HYDIN: variants seen among roughly 807,000 people sequenced by gnomAD.
The protein encoded by HYDIN is axonemal central pair apparatus protein HYDIN.
A neutral mutation model predicts 403.9 loss-of-function variants in HYDIN; 132 were observed. That is an observed-to-expected ratio of 0.33 (90% CI 0.28 to 0.38). The LOEUF (loss-of-function observed/expected upper bound fraction) is 0.38. Among genes scored for constraint, HYDIN ranks in the 10% least tolerant of loss-of-function variants. The probability of loss-of-function intolerance (pLI) is 1.00; values close to 1 mark genes in which losing one functional copy is unlikely to be tolerated. For missense variants in HYDIN, 2,827 were observed against 5,009.5 expected, an observed-to-expected ratio of 0.56 and a Z score of 13.15; for synonymous variants, 1,202 against 1,891.7, an observed-to-expected ratio of 0.64 and a Z score of 9.46.
chr16:71,180,031 C>T (rs1173285603), intron 3 of HYDIN, among the ~76,000 whole-genome samples: 2 of 152,018 alleles, frequency 1.3e-5, no homozygotes, highest in African/African-American at 2.4e-5. Flanking sequence ...ATGACAAAAA[C>T]AGGAGAGGAA....
chr16:71,031,425 A>G, intron 19 of HYDIN: 1 of 1,317,698 alleles, frequency 7.6e-7, no homozygotes, highest in East Asian at 3.0e-5. Flanking sequence ...TTGAGAAAAG[A>G]ATGCATTTCC....
intron 4 of HYDIN, among the ~76,000 whole-genome samples, chr16:71,178,412 T>G (rs2086761828): frequency 9.2e-6 from 1 of 108,394 alleles, no homozygotes; most frequent in Non-Finnish European, 1.9e-5. Flanking sequence ...AGAGTGAAAC[T>G]CTGTCTCAAA....
intron 40 of HYDIN, among the ~76,000 whole-genome samples, chr16:70,955,012 T>C (rs1019483494): frequency 1.1e-4 from 17 of 152,128 alleles, no homozygotes; most frequent in African/African-American, 3.9e-4. Flanking sequence ...TGGAACCCAT[T>C]CATCCCAAAG....
intron 67 of HYDIN, 28 bp downstream of exon 67, chr16:70,866,141 T>A (rs369638806): frequency 6.2e-6 from 10 of 1,607,750 alleles, no homozygotes; most frequent in African/African-American, 1.3e-5. Flanking sequence ...CTTTTCCATC[T>A]AGTATCACGA....
At chr16:70,901,462 G>A (rs2076376080) in intron 52 of HYDIN, among the ~76,000 whole-genome samples, 1 of 151,014 alleles carries the variant, frequency 6.6e-6, no homozygotes, top group Non-Finnish European at 1.5e-5. Context: ...TCCCCATTTT[G>A]TGCCCACTGG....
At chr16:71,174,069 C>T (rs1337108207) in intron 5 of HYDIN, among the ~76,000 whole-genome samples, 1 of 152,112 alleles carries the variant, frequency 6.6e-6, no homozygotes, top group Non-Finnish European at 1.5e-5. Context: ...ATGAGGACTT[C>T]AACAATATGC....
chr16:70,877,777 C>T (rs1004439645), intron 62 of HYDIN, among the ~76,000 whole-genome samples: 3 of 151,980 alleles, frequency 2.0e-5, no homozygotes, highest in African/African-American at 4.8e-5. Context: ...GGTTGGGGAC[C>T]CCTCTCTTAA....
At chr16:71,011,299 C>G (rs1179745173) in intron 23 of HYDIN, among the ~76,000 whole-genome samples, 3 of 152,196 alleles carry the variant, frequency 2.0e-5, no homozygotes, top group Non-Finnish European at 1.5e-5. Flanking sequence ...GGTAAGTCAA[C>G]TGCAGCACAA....
At chr16:71,179,132 T>C in intron 3 of HYDIN, 85 bp from the exon 4 acceptor site, 1 of 1,009,700 alleles carries the variant, frequency 9.9e-7, no homozygotes, top group Non-Finnish European at 1.4e-6. Context: ...CGTAGACCTG[T>C]GGATATTAAA....
At position 70,803,883 on chromosome 16, in the gene HYDIN, A is replaced by C. The variant is rs368656260; in HGVS notation, c.*3697T>G. On this transcript the variant is annotated 3_prime_UTR_variant, in exon 86 of 86. Coordinates refer to ENST00000393567, the MANE Select transcript of HYDIN (RefSeq NM_001270974.2). ...AACGAGGCCAGGGAGCCCCATTCCC[A>C]TGGTATTCTGTGCACAGTGCTCCTT... 2.6e-5 allele frequency among the ~76,000 whole-genome samples: 4 copies of C among 152,212 alleles called. No individual in the cohort carries two copies. Among genetic ancestry groups the C allele is most frequent in the African/African-American group, 4.8e-5 (2 of 41,526 alleles).
chr16:70,922,258 C>T (rs1262085054), intron 45 of HYDIN, among the ~76,000 whole-genome samples: 2 of 152,226 alleles, frequency 1.3e-5, no homozygotes, highest in African/African-American at 4.8e-5. Context: ...GGACTTGGCT[C>T]CTATTCCTTC....
At chr16:70,984,525 AG>A (rs1424480085) in intron 28 of HYDIN, among the ~76,000 whole-genome samples, 1 of 150,852 alleles carries the variant, frequency 6.6e-6, no homozygotes, top group Non-Finnish European at 1.5e-5. Context: ...GTATTAATGT[AG>A]GGACAAACAG....
At chr16:70,882,557 A>C (rs1041583138) in intron 60 of HYDIN, 103 bp downstream of exon 60, 21 of 602,548 alleles carry the variant, frequency 3.5e-5, no homozygotes, top group Non-Finnish European at 5.6e-5. Context: ...GGGCCAGATA[A>C]TTTCCACTCA....
chr16:70,807,954 C>T lies in HYDIN; in HGVS notation c.14992G>A (p.Glu4998Lys). The T allele has an allele frequency of 1.2e-6, 2 of 1,614,178 alleles. No individual in the cohort carries two copies. The highest frequency in any genetic ancestry group is 1.1e-5 in the South Asian group (1 of 91,078). The change falls in exon 86 of 86, where the codon GAG (glutamate) becomes AAG (lysine). Residue 4998 changes from glutamate (E) to lysine (K), a missense_variant. Coordinates refer to ENST00000393567, the MANE Select transcript of HYDIN (RefSeq NM_001270974.2). ...GATAGGATCAGGATGCCCTTGGTCT[C>T]ACCCAGGTGGCTGGGCTCGAATAAG... ...EVLFEPSHLGETKGILILSSL... is the reference protein window; with the variant it reads ...EVLFEPSHLGKTKGILILSSL...
intron 60 of HYDIN, 37 bp from the exon 61 acceptor site, chr16:70,879,793 C>T (rs1280841841): frequency 3.9e-6 from 3 of 762,140 alleles, no homozygotes; most frequent in Admixed American, 2.3e-5. Flanking sequence ...GTGTCAGTGC[C>T]TTTGTATTCT....
chr16:70,803,527 C>T lies in HYDIN; in HGVS notation c.*4053G>A, dbSNP rs569327844. ...ACAATTCATCTGCATCTGTGTGATG[C>T]TTGGTTGTTATGCTAGAACTTGTAA... On this transcript the variant is annotated 3_prime_UTR_variant, in exon 86 of 86. Coordinates refer to ENST00000393567, the MANE Select transcript of HYDIN (RefSeq NM_001270974.2). Among the ~76,000 whole-genome samples, 1 of 152,292 alleles carries T rather than the reference C, an allele frequency of 6.6e-6. No homozygotes were observed. Among genetic ancestry groups the T allele is most frequent in the African/African-American group, 2.4e-5 (1 of 41,548 alleles).
rs1470278602 is a variant in HYDIN, at chr16:70,802,980, G to GA, written c.*4599dup. ...TTGATGATGGTTGATGAAAAACACT[G>GA]AAAAAATGTAAATCAATGGGAATGA... On this transcript the variant is annotated 3_prime_UTR_variant, in exon 86 of 86. Coordinates refer to ENST00000393567, the MANE Select transcript of HYDIN (RefSeq NM_001270974.2). The GA allele has an allele frequency of 6.6e-6, 1 of 152,140 alleles. No homozygotes were observed. 9.4% of individuals were successfully genotyped at this position (152,140 alleles called of 1,614,324 possible).
At chr16:71,135,751 T>A (rs1217352752) in intron 8 of HYDIN, among the ~76,000 whole-genome samples, 1 of 151,538 alleles carries the variant, frequency 6.6e-6, no homozygotes, top group East Asian at 2.0e-4. Context: ...GATATTTCTA[T>A]GCCATAAAGC....
intron 18 of HYDIN, among the ~76,000 whole-genome samples, chr16:71,049,776 G>A (rs931358866): frequency 5.5e-5 from 8 of 145,252 alleles, no homozygotes; most frequent in Non-Finnish European, 9.0e-5. Flanking sequence ...AGAATAAGCG[G>A]CTATAACCAA....
Sources: gnomAD v4.1 joint callset for allele counts (sites outside exome capture counted in the v4.1 genomes callset) on GRCh38, gnomAD v4.1.1 for gene constraint, MANE v1.5 for transcripts, NCBI Gene and HGNC (gene_info 2026-07-23, HGNC 2026-07-21) for gene names.